RGS7: variants seen among roughly 807,000 people sequenced by gnomAD.
RGS7 encodes regulator of G-protein signaling 7.
Under a neutral mutation model 81.1 loss-of-function variants are expected in RGS7, and 27 were observed. That is an observed-to-expected ratio of 0.33 (90% CI 0.25 to 0.46). The LOEUF (loss-of-function observed/expected upper bound fraction) is 0.46. RGS7 is among the 20% of genes least tolerant of loss of function. The pLI is 1.00. For missense variants in RGS7, 396 were observed against 607.4 expected (o/e 0.65, Z 3.66); for synonymous variants, 208 against 207.7 (o/e 1.00, Z -0.01).
chr1:240,939,821 A>T (rs988581223), intron 4 of RGS7, among the ~76,000 whole-genome samples: 2 of 152,194 alleles, frequency 1.3e-5, no homozygotes, highest in Non-Finnish European at 2.9e-5. Flanking sequence ...CTGTAATCCC[A>T]GCACTTCGGG....
intron 2 of RGS7, among the ~76,000 whole-genome samples, chr1:241,265,551 C>T (rs559959932): frequency 2.6e-5 from 4 of 152,260 alleles, no homozygotes; most frequent in Admixed American, 6.5e-5. Flanking sequence ...CCAGGCAAGA[C>T]GGCTGGGGCT....
intron 3 of RGS7, among the ~76,000 whole-genome samples, chr1:241,057,325 C>A (rs1213669208): frequency 6.6e-6 from 1 of 152,074 alleles, no homozygotes; most frequent in Non-Finnish European, 1.5e-5. Context: ...TTCCCTGAGC[C>A]TTGGGTTTCT....
At chr1:241,192,316 G>C (rs1414546254) in intron 2 of RGS7, among the ~76,000 whole-genome samples, 1 of 149,700 alleles carries the variant, frequency 6.7e-6, no homozygotes, top group African/African-American at 2.5e-5. Context: ...ATTTGGCTTG[G>C]TTTTATTTTC....
intron 2 of RGS7, among the ~76,000 whole-genome samples, chr1:241,128,777 C>CAAAAAAAAAAAAAA (rs71172680): frequency 7.7e-5 from 6 of 77,954 alleles, no homozygotes; most frequent in East Asian, 4.1e-4. Context: ...GAATAATAGG[C>CAAAAAAAAAAAAAA]AAAAAAAAAA....
chr1:241,208,026 C>T (rs1038856604), intron 2 of RGS7, among the ~76,000 whole-genome samples: 1 of 152,208 alleles, frequency 6.6e-6, no homozygotes, highest in Admixed American at 6.5e-5. Context: ...CTTCCTCAGC[C>T]TCCTGAATAG....
In RGS7 at chr1:241,246,852, G is replaced by A. The variant is rs368733700; in HGVS notation, c.78+108847C>T. ...GGAGAGCAGTAGCAGTCCAAAGGGA[G>A]CCATTTCAGGAAGTAGGGGATACAT... is the stretch of plus-strand genomic sequence containing the variant. On this transcript the variant is annotated intron_variant, in intron 2 of 18. Coordinates refer to ENST00000440928, the MANE Select transcript of RGS7 (RefSeq NM_001364886.1). 1.1e-3 allele frequency among the ~76,000 whole-genome samples: 164 copies of A among 152,054 alleles called. 1 individual carries two copies. The highest frequency in any genetic ancestry group is 3.4e-3 in the Middle Eastern group (1 of 294).
chr1:241,037,657 G>A (rs1384788677), intron 3 of RGS7, among the ~76,000 whole-genome samples: 1 of 151,482 alleles, frequency 6.6e-6, no homozygotes, highest in East Asian at 1.9e-4. Flanking sequence ...GGACGTGGAG[G>A]TTGCAGTGAG....
intron 4 of RGS7, among the ~76,000 whole-genome samples, chr1:240,949,855 A>G (rs952963945): frequency 1.4e-4 from 21 of 151,012 alleles, no homozygotes; most frequent in African/African-American, 5.1e-4. Flanking sequence ...CTCAAAAAAA[A>G]AAAAAAAAAA....
intron 3 of RGS7, among the ~76,000 whole-genome samples, chr1:241,039,242 T>G (rs1217958339): frequency 6.6e-6 from 1 of 152,206 alleles, no homozygotes; most frequent in Non-Finnish European, 1.5e-5. Context: ...TAATTGGAAT[T>G]TATTAGTGTG....
intron 2 of RGS7, among the ~76,000 whole-genome samples, chr1:241,254,785 G>A (rs1649972327): frequency 6.6e-6 from 1 of 152,108 alleles, no homozygotes; most frequent in Admixed American, 6.5e-5. Flanking sequence ...TAATGATATA[G>A]TAAAAACCAC....
intron 9 of RGS7, among the ~76,000 whole-genome samples, chr1:240,846,508 AC>A (rs2147907140): frequency 6.6e-6 from 1 of 152,104 alleles, no homozygotes; most frequent in Non-Finnish European, 1.5e-5. Flanking sequence ...TGCATAGGTC[AC>A]CCTCTTCACT....
At chr1:241,035,938 A>G (rs1006097983) in intron 3 of RGS7, among the ~76,000 whole-genome samples, 1 of 152,146 alleles carries the variant, frequency 6.6e-6, no homozygotes, top group Non-Finnish European at 1.5e-5. Context: ...AAGTTCTTTA[A>G]TGGAAAAATC....
chr1:241,050,381 G>A (rs2061183067), intron 3 of RGS7, among the ~76,000 whole-genome samples: 1 of 152,104 alleles, frequency 6.6e-6, no homozygotes. Context: ...ACAGGAGTAG[G>A]CTAGAGGCTG....
chr1:241,324,725 A>ATCTATTCATTT (rs2081397891), intron 2 of RGS7, among the ~76,000 whole-genome samples: 1 of 152,140 alleles, frequency 6.6e-6, no homozygotes. Context: ...CCTTCCTCAT[A>ATCTATTCATTT]TCTATTCATT....
chr1:240,862,022 A>C (rs1163385141), intron 9 of RGS7, among the ~76,000 whole-genome samples: 1 of 152,120 alleles, frequency 6.6e-6, no homozygotes, highest in African/African-American at 2.4e-5. Flanking sequence ...CAACCCAAAT[A>C]CTATATTATC....
At chr1:241,137,633 T>G (rs1052513368) in intron 2 of RGS7, among the ~76,000 whole-genome samples, 1 of 152,218 alleles carries the variant, frequency 6.6e-6, no homozygotes, top group Non-Finnish European at 1.5e-5. Context: ...CAGTATGTGC[T>G]GGAGCTGGCA....
intron 6 of RGS7, among the ~76,000 whole-genome samples, chr1:240,903,522 TAAA>T (rs1013243573): frequency 2.0e-5 from 3 of 151,890 alleles, no homozygotes; most frequent in African/African-American, 7.2e-5. Context: ...ATATTAAAAA[TAAA>T]TAATTATAGA....
intron 17 of RGS7, among the ~76,000 whole-genome samples, chr1:240,800,987 A>C (rs1178313697): frequency 6.6e-6 from 1 of 152,102 alleles, no homozygotes; most frequent in Non-Finnish European, 1.5e-5. Context: ...GTCACCAACC[A>C]CCACTCATAT....
At chr1:241,130,792 G>T (rs1359762777) in intron 2 of RGS7, among the ~76,000 whole-genome samples, 2 of 149,398 alleles carry the variant, frequency 1.3e-5, no homozygotes, top group Admixed American at 6.6e-5. Context: ...TTGGTGTTTG[G>T]TTTCTTTTTT....
Sources: gnomAD v4.1 joint callset for allele counts (sites outside exome capture counted in the v4.1 genomes callset) on GRCh38, gnomAD v4.1.1 for gene constraint, MANE v1.5 for transcripts, NCBI Gene and HGNC (gene_info 2026-07-23, HGNC 2026-07-21) for gene names.